Variants in L3MBTL3 observed in about 807,000 individuals in gnomAD.
The protein encoded by L3MBTL3 is lethal(3)malignant brain tumor-like protein 3.
A neutral mutation model predicts 102.3 loss-of-function variants in L3MBTL3; 27 were observed. The ratio of observed to expected loss-of-function variants is 0.26; its 90% CI spans 0.19 to 0.36. L3MBTL3 has a LOEUF of 0.36. Among genes scored for constraint, L3MBTL3 ranks in the 10% least tolerant of loss-of-function variants. L3MBTL3 has a pLI of 1.00. For synonymous variants in L3MBTL3, 340 were observed against 320.9 expected, an observed-to-expected ratio of 1.06 and a Z score of -0.64; for missense variants, 798 against 955.3, an observed-to-expected ratio of 0.84 and a Z score of 2.17.
chr6:130,120,947 A>T lies in L3MBTL3; in HGVS notation c.1955A>T (p.His652Leu), dbSNP rs200569016. ...ERTESEMRTSHEARGAREEPT... is the reference protein window; with the variant it reads ...ERTESEMRTSLEARGAREEPT... ...ACAGAAAGTGAAATGAGAACATCAC[A>T]TGAAGCCAGAGGTAGCCATAATAAT... Residue 652 changes from histidine (H) to leucine (L), a missense_variant, in exon 20 of 23, where the codon CAT becomes CTT. By Grantham distance (99) the His-to-Leu change is moderately conservative (BLOSUM62 -3). Transcript: ENST00000361794. 231 of 1,609,654 alleles carry T rather than the reference A, an allele frequency of 1.4e-4. No individual in the cohort carries two copies. The highest frequency in any genetic ancestry group is 1.8e-4 in the Non-Finnish European group (217 of 1,176,416).
At chr6:130,034,744 C>T (rs113147406) in intron 2 of L3MBTL3, among the ~76,000 whole-genome samples, 2 of 152,220 alleles carry the variant, frequency 1.3e-5, no homozygotes, top group East Asian at 1.9e-4. Context: ...GCCTGGGCCT[C>T]GGCCAGGCTG....
intron 18 of L3MBTL3, among the ~76,000 whole-genome samples, chr6:130,097,855 A>C (rs1195795496): frequency 6.6e-6 from 1 of 152,114 alleles, no homozygotes; most frequent in Non-Finnish European, 1.5e-5. Context: ...ATCATCTTAG[A>C]TCGGGAGTTC....
Position 130,054,382 on chromosome 6 carries a change from T to A in L3MBTL3, c.583-789T>A, listed in dbSNP as rs78963319. Among the ~76,000 whole-genome samples the A allele has an allele frequency of 5.2e-3, 795 of 152,242 alleles. 27 individuals carry two copies. The East Asian group carries it at 0.079, about 15-fold the overall frequency. On this transcript the variant is annotated intron_variant, in intron 7 of 22. Coordinates refer to ENST00000361794, the MANE Select transcript of L3MBTL3 (RefSeq NM_032438.4). ...AAGTTAAGACAAGGGAATGCTTTGA[T>A]ATGATGTATGTTTTAAATGACCACT...
intron 13 of L3MBTL3, among the ~76,000 whole-genome samples, chr6:130,077,709 T>C (rs927171821): frequency 6.6e-6 from 1 of 152,234 alleles, no homozygotes; most frequent in Admixed American, 6.5e-5. Flanking sequence ...CCAGCCACAC[T>C]GTTACCTTCC....
intron 6 of L3MBTL3, 37 bp from the exon 7 acceptor site, chr6:130,052,822 G>C: frequency 6.3e-7 from 1 of 1,598,720 alleles, no homozygotes; most frequent in East Asian, 2.2e-5. Flanking sequence ...GATAGGTATT[G>C]TCTCTTGTCA....
chr6:130,037,822 G>T (rs1195781066), intron 2 of L3MBTL3, among the ~76,000 whole-genome samples: 2 of 152,084 alleles, frequency 1.3e-5, no homozygotes, highest in African/African-American at 4.8e-5. Flanking sequence ...GAAATATACA[G>T]TAAATTATTT....
chr6:130,053,134 C>G (rs1485476364), intron 7 of L3MBTL3, 143 bp downstream of exon 7: 6 of 602,108 alleles, frequency 1.0e-5, no homozygotes, highest in Admixed American at 3.0e-5. Flanking sequence ...GTTACATGGC[C>G]TCTGTGTGCC....
intron 19 of L3MBTL3, among the ~76,000 whole-genome samples, chr6:130,115,039 T>TAA (rs35706973): frequency 4.9e-5 from 7 of 143,652 alleles, no homozygotes; most frequent in African/African-American, 1.8e-4. Context: ...CTCAGAAACT[T>TAA]AAAAAAAAAA....
At chr6:130,112,766 A>G (rs1485994299) in intron 19 of L3MBTL3, among the ~76,000 whole-genome samples, 1 of 152,040 alleles carries the variant, frequency 6.6e-6, no homozygotes, top group East Asian at 1.9e-4. Flanking sequence ...CTCTTTTCCT[A>G]CAGAGACTTG....
intron 18 of L3MBTL3, among the ~76,000 whole-genome samples, chr6:130,098,541 G>T (rs1175565746): frequency 6.6e-6 from 1 of 152,170 alleles, no homozygotes; most frequent in Admixed American, 6.5e-5. Flanking sequence ...CACAATAGGG[G>T]TTAAATGTCA....
At chr6:130,125,240 A>G (rs17058376) in intron 20 of L3MBTL3, among the ~76,000 whole-genome samples, 7,561 of 152,238 alleles carry the variant, frequency 0.05, 292 homozygotes, top group Admixed American at 0.13. Flanking sequence ...TCAAGTTGAA[A>G]TAGCTCACTC....
intron 16 of L3MBTL3, among the ~76,000 whole-genome samples, chr6:130,087,979 C>G (rs1238354537): frequency 1.3e-5 from 2 of 151,864 alleles, no homozygotes; most frequent in African/African-American, 4.8e-5. Context: ...ATATATATTA[C>G]TTTTATAATT....
intron 13 of L3MBTL3, among the ~76,000 whole-genome samples, chr6:130,076,560 A>G (rs1348509374): frequency 2.6e-5 from 4 of 152,150 alleles, no homozygotes; most frequent in Admixed American, 2.6e-4. Context: ...GCACTTACAC[A>G]TGAAATGTAT....
intron 19 of L3MBTL3, among the ~76,000 whole-genome samples, chr6:130,108,220 G>GTTTTTTTTTTTTTTTTTTTTTTT (rs376419261): frequency 8.4e-6 from 1 of 118,706 alleles, no homozygotes; most frequent in African/African-American, 2.9e-5. Context: ...ATGTTAGGTG[G>GTTTTTTTTTTTTTTTTTTTTTTT]TTTTTTTTTT....
chr6:130,024,825 A>G (rs1296565819), intron 2 of L3MBTL3, among the ~76,000 whole-genome samples: 2 of 152,116 alleles, frequency 1.3e-5, no homozygotes, highest in African/African-American at 4.8e-5. Flanking sequence ...AGCTCTTCTA[A>G]TAATAGTATA....
chr6:130,097,400 A>G (rs1784423379), intron 18 of L3MBTL3, among the ~76,000 whole-genome samples: 1 of 152,250 alleles, frequency 6.6e-6, no homozygotes, highest in South Asian at 2.1e-4. Flanking sequence ...TATTTTAGCA[A>G]AAATAATCAA....
intron 2 of L3MBTL3, among the ~76,000 whole-genome samples, chr6:130,030,843 TGAG>T (rs1779675495): frequency 1.3e-5 from 2 of 148,678 alleles, no homozygotes; most frequent in African/African-American, 5.0e-5. Context: ...ATCTGTGAAA[TGAG>T]GATGATAATG....
At chr6:130,117,777 G>A (rs528289984) in intron 19 of L3MBTL3, among the ~76,000 whole-genome samples, 3 of 151,406 alleles carry the variant, frequency 2.0e-5, no homozygotes, top group South Asian at 2.1e-4. Flanking sequence ...ATGGCTCACC[G>A]CAGCTTTGTC....
At chr6:130,121,968 C>T (rs919657425) in intron 20 of L3MBTL3, among the ~76,000 whole-genome samples, 1 of 152,156 alleles carries the variant, frequency 6.6e-6, no homozygotes, top group Non-Finnish European at 1.5e-5. Context: ...ATCAATTGAA[C>T]CTCGGAGGCA....
Sources: gnomAD v4.1 joint callset for allele counts (sites outside exome capture counted in the v4.1 genomes callset) on GRCh38, gnomAD v4.1.1 for gene constraint, MANE v1.5 for transcripts, NCBI Gene and HGNC (gene_info 2026-07-23, HGNC 2026-07-21) for gene names.